The following ESRRG variants were observed in gnomAD, a reference collection of about 807,000 sequenced individuals.
ESRRG encodes the protein estrogen-related receptor gamma.
In ESRRG, 13 loss-of-function variants were observed where a neutral mutation model predicts 44.0. That is an observed-to-expected ratio of 0.30 (90% CI 0.19 to 0.47). The LOEUF (loss-of-function observed/expected upper bound fraction) is 0.47, where lower values mean the gene tolerates loss of function less well. ESRRG is among the 20% of genes least tolerant of loss of function. ESRRG has a pLI of 1.00. For missense variants in ESRRG, 395 were observed against 580.6 expected (o/e 0.68, Z 3.29); for synonymous variants, 215 against 214.6 (o/e 1.00, Z -0.02).
intron 2 of ESRRG, among the ~76,000 whole-genome samples, chr1:216,828,106 T>C (rs193155667): frequency 1.3e-3 from 202 of 152,246 alleles, no homozygotes; most frequent in African/African-American, 4.8e-3. Flanking sequence ...ATTGAACATT[T>C]CTCTCAAGCT....
In ESRRG at chr1:217,123,951, G is replaced by C. The variant is rs143944296; in HGVS notation, c.-230+13716C>G. ...ATTTTTAAAAATACCCATTTTAAAA[G>C]ACTAGTCTCAAAGCAATCTCCTGGA... On this transcript the variant is annotated intron_variant, in intron 1 of 8. Coordinates refer to the ESRRG transcript ENST00000366940. 2.6e-5 allele frequency among the ~76,000 whole-genome samples: 4 copies of C among 152,238 alleles called. No homozygotes were observed. In the East Asian group the frequency reaches 7.7e-4, roughly 29 times the overall value.
Position 216,975,554 on chromosome 1 carries a change from C to T in ESRRG, c.-105-35881G>A, listed in dbSNP as rs142676813. Among the ~76,000 whole-genome samples the T allele has an allele frequency of 4.2e-4, 64 of 152,286 alleles. 1 individual carries two copies. In the East Asian group the frequency reaches 0.011, roughly 26 times the overall value. On this transcript the variant is annotated intron_variant, in intron 1 of 7. Coordinates refer to the ESRRG transcript ENST00000359162. ...ATTCTGGCTCTAGTCTCTATTAAATCACAGAAATAAATGATCTCAAGCACT... is the reference window on the plus strand; with the variant it reads ...ATTCTGGCTCTAGTCTCTATTAAATTACAGAAATAAATGATCTCAAGCACT...
At chr1:216,861,311 C>T (rs560162143) in intron 2 of ESRRG, among the ~76,000 whole-genome samples, 1 of 152,020 alleles carries the variant, frequency 6.6e-6, no homozygotes, top group Admixed American at 6.5e-5. Context: ...TATAGCATTA[C>T]AGGGTATAAT....
intron 1 of ESRRG, among the ~76,000 whole-genome samples, chr1:217,068,432 T>C (rs573674865): frequency 1.0e-3 from 151 of 151,578 alleles, no homozygotes; most frequent in Non-Finnish European, 1.5e-3. Context: ...AGTCCTCTCC[T>C]GCACCAACCC....
At chr1:216,813,689 G>A (rs2095045747) in intron 2 of ESRRG, among the ~76,000 whole-genome samples, 1 of 152,182 alleles carries the variant, frequency 6.6e-6, no homozygotes, top group African/African-American at 2.4e-5. Context: ...TTTCAGGGAT[G>A]TCATAGTGAA....
At chr1:216,510,375 A>T in intron 6 of ESRRG, among the ~76,000 whole-genome samples, 1 of 152,220 alleles carries the variant, frequency 6.6e-6, no homozygotes, top group Admixed American at 6.5e-5. Context: ...CTAACACCTA[A>T]TAATAAAATA....
intron 3 of ESRRG, among the ~76,000 whole-genome samples, chr1:216,586,283 C>T (rs185517481): frequency 6.3e-4 from 95 of 151,988 alleles, no homozygotes; most frequent in African/African-American, 2.2e-3. Context: ...TTTTTTAAGA[C>T]GCTGGAATAA....
At chr1:216,871,995 C>T (rs2149220735) in intron 2 of ESRRG, among the ~76,000 whole-genome samples, 1 of 152,152 alleles carries the variant, frequency 6.6e-6, no homozygotes, top group Non-Finnish European at 1.5e-5. Flanking sequence ...AGCTGACTTG[C>T]TGGCAACAAA....
At chr1:216,799,619 C>G (rs568606590) in intron 2 of ESRRG, among the ~76,000 whole-genome samples, 1 of 151,914 alleles carries the variant, frequency 6.6e-6, no homozygotes, top group Non-Finnish European at 1.5e-5. Flanking sequence ...AGAATGTATA[C>G]GAAAGAAAAT....
intron 3 of ESRRG, among the ~76,000 whole-genome samples, chr1:216,579,335 G>C (rs1219675658): frequency 6.6e-6 from 1 of 152,082 alleles, no homozygotes; most frequent in Non-Finnish European, 1.5e-5. Flanking sequence ...TCATGTTAAA[G>C]GTTTGGAGGA....
At chr1:216,873,208 A>AGTTTTT (rs1308616976) in intron 2 of ESRRG, among the ~76,000 whole-genome samples, 2 of 54,494 alleles carry the variant, frequency 3.7e-5, no homozygotes, top group Non-Finnish European at 6.5e-5. Flanking sequence ...ACATCTTTTC[A>AGTTTTT]GTTTTTTTTT....
chr1:216,525,949 T>C (rs2047518667), intron 5 of ESRRG, among the ~76,000 whole-genome samples: 1 of 152,130 alleles, frequency 6.6e-6, no homozygotes, highest in Non-Finnish European at 1.5e-5. Flanking sequence ...CCCCATCAAA[T>C]TTGGTCTAAT....
chr1:216,768,480 A>ATCTATCTATCTATCTG (rs1553593171), intron 2 of ESRRG, among the ~76,000 whole-genome samples: 17,645 of 150,216 alleles, frequency 0.12, 1,131 homozygotes, highest in South Asian at 0.16. Flanking sequence ...CTATCTATCT[A>ATCTATCTATCTATCTG]TCTATCTATC....
chr1:216,614,138 C>T (rs1380115623), intron 3 of ESRRG, among the ~76,000 whole-genome samples: 1 of 152,212 alleles, frequency 6.6e-6, no homozygotes, highest in Non-Finnish European at 1.5e-5. Context: ...AACAGATCAG[C>T]AGTGCAGTGC....
chr1:216,941,032 C>G (rs2576271), intron 1 of ESRRG, among the ~76,000 whole-genome samples: 124,385 of 152,130 alleles, frequency 0.82, 51,250 homozygotes, highest in Middle Eastern at 0.9. Flanking sequence ...CAAGAAAGGA[C>G]TGTGCTTTAC....
At chr1:216,918,211 C>G (rs2061419324) in intron 2 of ESRRG, among the ~76,000 whole-genome samples, 1 of 152,162 alleles carries the variant, frequency 6.6e-6, no homozygotes, top group Non-Finnish European at 1.5e-5. Flanking sequence ...GAAAATTCCT[C>G]TTTTCAAATA....
intron 2 of ESRRG, among the ~76,000 whole-genome samples, chr1:216,807,857 G>A (rs1019869643): frequency 6.6e-6 from 1 of 152,110 alleles, no homozygotes. Flanking sequence ...CTTTCTTGGT[G>A]CCAAGTATAG....
At chr1:216,690,681 T>C (rs11117662) in intron 1 of ESRRG, among the ~76,000 whole-genome samples, 46,667 of 152,012 alleles carry the variant, frequency 0.31, 7,762 homozygotes, top group South Asian at 0.43. Context: ...TTTCCTTGAT[T>C]CCTATGCCCT....
intron 1 of ESRRG, among the ~76,000 whole-genome samples, chr1:217,027,622 A>G (rs762979499): frequency 3.9e-5 from 6 of 152,118 alleles, no homozygotes; most frequent in Non-Finnish European, 8.8e-5. Flanking sequence ...ACACCATTAA[A>G]CTGGAATTAA....
Sources: allele counts gnomAD v4.1 joint callset (sites outside exome capture counted in the v4.1 genomes callset), GRCh38; gene constraint gnomAD v4.1.1; transcripts MANE v1.5; gene names NCBI Gene and HGNC (gene_info 2026-07-23, HGNC 2026-07-21).